The following SYN2 variants were observed in gnomAD, a reference collection of about 807,000 sequenced individuals.
SYN2 encodes the protein synapsin II, also known as synapsin-2.
A neutral mutation model predicts 50.9 loss-of-function variants in SYN2; 19 were observed. The ratio of observed to expected loss-of-function variants is 0.37; its 90% CI spans 0.26 to 0.55. SYN2 has a LOEUF of 0.55. Among genes scored for constraint, SYN2 ranks in the 20% least tolerant of loss-of-function variants. The pLI, the probability that SYN2 is intolerant of heterozygous loss-of-function variation, is 0.81. For missense variants in SYN2, 587 were observed against 576.4 expected (o/e 1.02, Z -0.19); for synonymous variants, 255 against 224.9 (o/e 1.13, Z -1.20).
At position 12,169,663 on chromosome 3, in the gene SYN2, T is replaced by G. The variant is rs780213803; in HGVS notation, c.1159-94T>G. On this transcript the variant is annotated intron_variant, in intron 9 of 12. Transcript: ENST00000621198. Reference sequence around the variant, plus strand: ...ACTCCTGCTTCATCTCCAGTCCATCTCTGCTGGCTTAATTCCTACCCATTC... The same window carrying G: ...ACTCCTGCTTCATCTCCAGTCCATCGCTGCTGGCTTAATTCCTACCCATTC... 7.0e-6 allele frequency: 10 copies of G among 1,420,542 alleles called. No individual in the cohort carries two copies. The Admixed American group carries it at 7.9e-5, about 11-fold the overall frequency. The allele number at this position is 1,420,542 out of a possible 1,614,324, so 88.0% of individuals were successfully genotyped here. A position where few individuals can be genotyped will look rare whatever the true frequency, so the allele number is the denominator to read the frequency against.
intron 1 of SYN2, among the ~76,000 whole-genome samples, chr3:12,130,494 T>A (rs1295243775): frequency 6.6e-6 from 1 of 152,180 alleles, no homozygotes; most frequent in Non-Finnish European, 1.5e-5. Flanking sequence ...CACATTTTTG[T>A]TCTAATCAGA....
chr3:12,090,291 T>A (rs896423446), intron 1 of SYN2, among the ~76,000 whole-genome samples: 1 of 152,192 alleles, frequency 6.6e-6, no homozygotes, highest in Non-Finnish European at 1.5e-5. Context: ...TATAAATGAC[T>A]ATGAGGAAAC....
intron 5 of SYN2, chr3:12,156,848 G>A: frequency 3.7e-6 from 6 of 1,614,112 alleles, no homozygotes; most frequent in Non-Finnish European, 3.4e-6. Flanking sequence ...TCTGGCTGTT[G>A]GCTTCTAGTT....
chr3:12,118,505 G>A (rs1696484109), intron 1 of SYN2, among the ~76,000 whole-genome samples: 1 of 152,186 alleles, frequency 6.6e-6, no homozygotes, highest in African/African-American at 2.4e-5. Flanking sequence ...CTTACTGAAA[G>A]TACCCTGTTT....
chr3:12,153,695 T>G lies in SYN2; in HGVS notation c.774+2369T>G, dbSNP rs752721351. ...TAGGGGCCGAGATGGTACAGGGTACTGTGTAGCAGGTGGTGATCTAGAGTC... is the reference window on the plus strand; with the variant it reads ...TAGGGGCCGAGATGGTACAGGGTACGGTGTAGCAGGTGGTGATCTAGAGTC... On this transcript the variant is annotated intron_variant, in intron 5 of 12. Transcript: ENST00000621198. 10 of 1,614,116 alleles carry G rather than the reference T, an allele frequency of 6.2e-6. No individual in the cohort carries two copies. In the African/African-American group the frequency reaches 1.3e-4, roughly 22 times the overall value.
chr3:12,146,096 G>A lies in SYN2; in HGVS notation c.684+261G>A, dbSNP rs115121822. ...ACAGGCTCAGCACCTTTGCTGCGGAGTGGACCTTTGGCCTCACAACAAAGT... is the reference window on the plus strand; with the variant it reads ...ACAGGCTCAGCACCTTTGCTGCGGAATGGACCTTTGGCCTCACAACAAAGT... On this transcript the variant is annotated intron_variant, in intron 4 of 12. Coordinates refer to ENST00000621198, the MANE Select transcript of SYN2 (RefSeq NM_133625.6). 3.2e-3 allele frequency among the ~76,000 whole-genome samples: 490 copies of A among 152,362 alleles called. 1 individual carries two copies. The highest frequency in any genetic ancestry group is 0.011 in the African/African-American group (472 of 41,580).
intron 1 of SYN2, among the ~76,000 whole-genome samples, chr3:12,044,179 TCTCACA>T (rs1384012523): frequency 8.2e-5 from 5 of 60,900 alleles, no homozygotes; most frequent in Non-Finnish European, 2.0e-4. Flanking sequence ...TCTCTCTCTC[TCTCACA>T]CACACACACA....
At chr3:12,104,084 A>G (rs563174310) in intron 1 of SYN2, among the ~76,000 whole-genome samples, 1 of 152,306 alleles carries the variant, frequency 6.6e-6, no homozygotes, top group African/African-American at 2.4e-5. Flanking sequence ...GGAAAAAAGA[A>G]TGCTAGAGTA....
chr3:12,005,334 T>A (rs1045896701), intron 1 of SYN2, among the ~76,000 whole-genome samples: 5 of 152,116 alleles, frequency 3.3e-5, no homozygotes, highest in Admixed American at 2.0e-4. Flanking sequence ...AAAAAAGGTT[T>A]AACTTCATGA....
At chr3:12,084,972 G>A (rs1695659705) in intron 1 of SYN2, among the ~76,000 whole-genome samples, 2 of 137,586 alleles carry the variant, frequency 1.5e-5, no homozygotes. Flanking sequence ...GAGAAAAGAG[G>A]AACAAAGGGT....
chr3:12,188,532 G>A (rs973230328), intron 12 of SYN2, among the ~76,000 whole-genome samples: 1 of 152,246 alleles, frequency 6.6e-6, no homozygotes, highest in African/African-American at 2.4e-5. Flanking sequence ...AGAAAAGGGG[G>A]CTGGAGAATT....
intron 1 of SYN2, among the ~76,000 whole-genome samples, chr3:12,091,252 T>C (rs1459970230): frequency 6.6e-6 from 1 of 152,224 alleles, no homozygotes; most frequent in Non-Finnish European, 1.5e-5. Context: ...ATGGGTATTC[T>C]GTGAGGATAT....
intron 1 of SYN2, among the ~76,000 whole-genome samples, chr3:12,124,071 A>G (rs1696616223): frequency 2.0e-5 from 3 of 152,188 alleles, no homozygotes; most frequent in Admixed American, 2.0e-4. Flanking sequence ...AGGACTACAA[A>G]AAGTAGATAT....
chr3:12,043,277 C>G (rs1037941953), intron 1 of SYN2, among the ~76,000 whole-genome samples: 4 of 152,118 alleles, frequency 2.6e-5, no homozygotes, highest in African/African-American at 9.7e-5. Flanking sequence ...TCCTGGAAAA[C>G]AAACCTCTCA....
At chr3:12,030,622 G>T (rs1197984192) in intron 1 of SYN2, among the ~76,000 whole-genome samples, 1 of 147,108 alleles carries the variant, frequency 6.8e-6, no homozygotes, top group East Asian at 2.0e-4. Flanking sequence ...TGTATGTGTC[G>T]AGGAATGTAT....
At chr3:12,154,288 C>G (rs1395802220) in intron 5 of SYN2, 4 of 1,613,554 alleles carry the variant, frequency 2.5e-6, no homozygotes, top group Non-Finnish European at 3.4e-6. Context: ...AGAACCCTTC[C>G]CCCATCCCTA....
At chr3:12,120,960 T>G (rs904419444) in intron 1 of SYN2, among the ~76,000 whole-genome samples, 1 of 152,236 alleles carries the variant, frequency 6.6e-6, no homozygotes, top group Non-Finnish European at 1.5e-5. Context: ...AATCCCCCTC[T>G]GTTATAGTAT....
At chr3:12,074,170 C>T (rs921081064) in intron 1 of SYN2, among the ~76,000 whole-genome samples, 3 of 152,036 alleles carry the variant, frequency 2.0e-5, no homozygotes, top group Non-Finnish European at 2.9e-5. Flanking sequence ...CTAATTTTAG[C>T]CTGGTACATC....
At chr3:12,183,198 T>A in intron 10 of SYN2, 114 bp from the exon 11 acceptor site, 1 of 1,394,250 alleles carries the variant, frequency 7.2e-7, no homozygotes, top group Admixed American at 2.8e-5. Flanking sequence ...TCCCACTGGA[T>A]CCCACCAGGT....
Sources: gnomAD v4.1 joint callset for allele counts (sites outside exome capture counted in the v4.1 genomes callset) on GRCh38, gnomAD v4.1.1 for gene constraint, MANE v1.5 for transcripts, NCBI Gene and HGNC (gene_info 2026-07-23, HGNC 2026-07-21) for gene names.